Variants in ABCG2 observed in about 807,000 individuals in gnomAD.
ABCG2 encodes the protein broad substrate specificity ATP-binding cassette transporter ABCG2.
In ABCG2, 80 loss-of-function variants were observed where a neutral mutation model predicts 73.5. That is an observed-to-expected ratio of 1.09 (90% CI 0.91 to 1.31). The LOEUF (loss-of-function observed/expected upper bound fraction) is 1.31, where lower values mean the gene tolerates loss of function less well. Ranked by LOEUF, ABCG2 falls within the 50% of genes most tolerant of loss-of-function variation. The pLI, the probability that ABCG2 is intolerant of heterozygous loss-of-function variation, is 0.00. For missense variants in ABCG2, 796 were observed against 786.2 expected (o/e 1.01, Z -0.15); for synonymous variants, 269 against 282.4 (o/e 0.95, Z 0.48).
intron 1 of ABCG2, among the ~76,000 whole-genome samples, chr4:88,186,839 A>C (rs1237702628): frequency 1.4e-5 from 2 of 146,842 alleles, no homozygotes; most frequent in African/African-American, 2.5e-5. Flanking sequence ...GAATGGCGTG[A>C]ACCCGGGAGG....
chr4:88,154,834 AT>A (rs1326112274), intron 1 of ABCG2, among the ~76,000 whole-genome samples: 1 of 152,190 alleles, frequency 6.6e-6, no homozygotes, highest in Non-Finnish European at 1.5e-5. Flanking sequence ...TTTGGAAGTT[AT>A]GAGAGCTGTA....
At chr4:88,121,453 C>A (rs1723964267) in intron 6 of ABCG2, among the ~76,000 whole-genome samples, 182 bp downstream of exon 6, 2 of 152,252 alleles carry the variant, frequency 1.3e-5, no homozygotes, top group South Asian at 4.1e-4. Context: ...CACAGACATC[C>A]TTCCCTACAT....
intron 1 of ABCG2, among the ~76,000 whole-genome samples, chr4:88,219,576 AT>A (rs5860122): frequency 0.074 from 6,692 of 90,286 alleles, 90 homozygotes; most frequent in Middle Eastern, 0.11. Context: ...TACCATTCAA[AT>A]TTTTTTTTTT....
chr4:88,127,959 G>C (rs201644573), intron 5 of ABCG2, among the ~76,000 whole-genome samples: 1 of 132,884 alleles, frequency 7.5e-6, no homozygotes, highest in Admixed American at 7.7e-5. Context: ...AAAAAAGAAA[G>C]AAAAAAAAAA....
At position 88,172,576 on chromosome 4, in the gene ABCG2, T is replaced by G. The variant is rs1210648888; in HGVS notation, c.-19-32562A>C. Among the ~76,000 whole-genome samples the G allele has an allele frequency of 2.0e-4, 6 of 30,486 alleles. 1 individual carries two copies. In the East Asian group the frequency reaches 4.7e-3, roughly 24 times the overall value. 20.0% of individuals were successfully genotyped at this position (30,486 alleles called of 152,430 possible). A position where few individuals can be genotyped will look rare whatever the true frequency, so the allele number is the denominator to read the frequency against. ...CTGGGAGACAGAGCAAGACTCTGTC[T>G]CAGGGAAAAAAAAAAAAATTAATTA... is the stretch of plus-strand genomic sequence containing the variant. On this transcript the variant is annotated intron_variant, in intron 1 of 15. Transcript: ENST00000515655.
chr4:88,130,052 C>T lies in ABCG2; in HGVS notation c.531+1009G>A, dbSNP rs79567980. ...TTAAAAGAAAGGCTATTAAAAAAAA[C>T]AGACACTACATAAATGAGAAATAAA... On this transcript the variant is annotated intron_variant, in intron 5 of 15. Coordinates refer to ENST00000237612, the MANE Select transcript of ABCG2 (RefSeq NM_004827.3). Among the ~76,000 whole-genome samples, 947 of 152,186 alleles carry T rather than the reference C, an allele frequency of 6.2e-3. 5 individuals are homozygous for T. Among genetic ancestry groups the T allele is most frequent in the Middle Eastern group, 0.024 (7 of 294 alleles).
At chr4:88,092,548 CA>C (rs1233016164) in intron 15 of ABCG2, among the ~76,000 whole-genome samples, 167 bp from the exon 16 acceptor site, 1 of 152,264 alleles carries the variant, frequency 6.6e-6, no homozygotes, top group East Asian at 1.9e-4. Context: ...TTTTGCTAGA[CA>C]CTAACAAACA....
At chr4:88,119,942 T>G (rs527391590) in intron 6 of ABCG2, among the ~76,000 whole-genome samples, 11 of 152,264 alleles carry the variant, frequency 7.2e-5, no homozygotes, top group African/African-American at 2.6e-4. Flanking sequence ...GGGAACCAAA[T>G]GTTAATCACC....
chr4:88,139,865 T>C lies in ABCG2; in HGVS notation c.131A>G (p.Tyr44Cys), dbSNP rs1337337886. Reference sequence around the variant, plus strand: ...AAAGCCACTCTTCAGTTTTACTCGATAGCAGATGTTATGAAAACTTAACAC... The same window carrying C: ...AAAGCCACTCTTCAGTTTTACTCGACAGCAGATGTTATGAAAACTTAACAC... ...GAVLSFHNIC[Y>C]RVKLKSGFLP... Residue 44 changes from tyrosine to cysteine, a missense_variant, in exon 2 of 16, where the codon TAT becomes TGT. Coordinates refer to ENST00000237612, the MANE Select transcript of ABCG2 (RefSeq NM_004827.3). 6 of 1,614,084 alleles carry C rather than the reference T, an allele frequency of 3.7e-6. No individual in the cohort carries two copies. The highest frequency in any genetic ancestry group is 1.6e-4 in the Middle Eastern group (1 of 6,084).
At chr4:88,152,502 T>C (rs577365902) in intron 1 of ABCG2, among the ~76,000 whole-genome samples, 3 of 151,782 alleles carry the variant, frequency 2.0e-5, no homozygotes, top group East Asian at 3.9e-4. Context: ...TGTTCTCTGG[T>C]GGGCAGGGGT....
intron 1 of ABCG2, among the ~76,000 whole-genome samples, chr4:88,164,546 T>C (rs1414836269): frequency 6.6e-6 from 1 of 152,192 alleles, no homozygotes; most frequent in African/African-American, 2.4e-5. Flanking sequence ...TGCCGCCATG[T>C]GAAGAAGGAT....
intron 1 of ABCG2, among the ~76,000 whole-genome samples, chr4:88,228,364 C>T (rs556348931): frequency 2.8e-4 from 42 of 152,260 alleles, no homozygotes; most frequent in African/African-American, 9.9e-4. Context: ...GAATGTATGT[C>T]TCTAAAGTCA....
chr4:88,127,664 C>A (rs1724527305), intron 5 of ABCG2, among the ~76,000 whole-genome samples: 1 of 152,100 alleles, frequency 6.6e-6, no homozygotes, highest in Non-Finnish European at 1.5e-5. Context: ...CAAAAACAAG[C>A]AACGGGGAAA....
At chr4:88,207,685 T>C (rs1024973838) in intron 1 of ABCG2, among the ~76,000 whole-genome samples, 3 of 152,100 alleles carry the variant, frequency 2.0e-5, no homozygotes, top group African/African-American at 4.8e-5. Context: ...GGTGAGACTA[T>C]AGGCATGCCC....
chr4:88,118,006 GTATGTC>G, intron 7 of ABCG2, 97 bp downstream of exon 7: 1 of 1,128,382 alleles, frequency 8.9e-7, no homozygotes, highest in Non-Finnish European at 1.2e-6. Flanking sequence ...GATTCTCATG[GTATGTC>G]TACCCAAAGA....
At chr4:88,099,698 T>C (rs1199334016) in intron 11 of ABCG2, among the ~76,000 whole-genome samples, 1 of 152,206 alleles carries the variant, frequency 6.6e-6, no homozygotes, top group Non-Finnish European at 1.5e-5. Context: ...TGCTGCTCTT[T>C]CTAGCTCCTG....
chr4:88,095,644 T>C lies in ABCG2; in HGVS notation c.1648-35A>G, dbSNP rs779090953. On this transcript the variant is annotated intron_variant, in intron 13 of 15. Transcript: ENST00000237612. ...GCAAATACTAAAAGTCAGGCCTGCT[T>C]GAGTAATTTCATGCAGAATTCTAGA... 4.5e-6 allele frequency: 7 copies of C among 1,550,460 alleles called. No individual in the cohort carries two copies. In the South Asian group the frequency reaches 7.9e-5, roughly 17 times the overall value.
Position 88,101,134 on chromosome 4 carries a change from C to T in ABCG2, c.1367+96G>A, listed in dbSNP as rs572422284. ...ATTTTAAAAAGTACTGGTAATCCTC[C>T]GGATCCCATCCTTGGCCCCAACCCC... is the stretch of plus-strand genomic sequence containing the variant. On this transcript the variant is annotated intron_variant, in intron 11 of 15. Coordinates refer to ENST00000237612, the MANE Select transcript of ABCG2 (RefSeq NM_004827.3). 80 of 952,708 alleles carry T rather than the reference C, an allele frequency of 8.4e-5. No homozygotes were observed. In the African/African-American group the frequency reaches 1.1e-3, roughly 13 times the overall value. 59.0% of individuals were successfully genotyped at this position (952,708 alleles called of 1,614,324 possible). A position where few individuals can be genotyped will look rare whatever the true frequency, so the allele number is the denominator to read the frequency against.
intron 1 of ABCG2, among the ~76,000 whole-genome samples, chr4:88,230,308 T>TATATA (rs746680651): frequency 0.048 from 4,575 of 96,118 alleles, 769 homozygotes; most frequent in African/African-American, 0.15. Context: ...TATATATATA[T>TATATA]TTTTTTTTTT....
Sources: allele counts gnomAD v4.1 joint callset (sites outside exome capture counted in the v4.1 genomes callset), GRCh38; gene constraint gnomAD v4.1.1; transcripts MANE v1.5; gene names NCBI Gene and HGNC (gene_info 2026-07-23, HGNC 2026-07-21).